The following PSMA8 variants were observed in gnomAD, a reference collection of about 807,000 sequenced individuals.
PSMA8 encodes proteasome subunit alpha-type 8.
PSMA8 carries 18 observed loss-of-function variants against 32.4 expected under a neutral mutation model. The ratio of observed to expected loss-of-function variants is 0.56; its 90% confidence interval spans 0.38 to 0.82. The LOEUF (loss-of-function observed/expected upper bound fraction) is 0.82. PSMA8 is among the 40% of genes least tolerant of loss of function. The pLI is 0.00. For missense variants in PSMA8, 298 were observed against 300.7 expected, an observed-to-expected ratio of 0.99 and a Z score of 0.07; for synonymous variants, 104 against 98.1, an observed-to-expected ratio of 1.06 and a Z score of -0.36.
chr18:26,137,558 T>A (rs1209215493), intron 1 of PSMA8, among the ~76,000 whole-genome samples: 1 of 152,252 alleles, frequency 6.6e-6, no homozygotes, highest in Non-Finnish European at 1.5e-5. Context: ...CAGAAAGTAC[T>A]TAACAAATTG....
At chr18:26,178,439 C>CA in intron 4 of PSMA8, among the ~76,000 whole-genome samples, 1 of 151,808 alleles carries the variant, frequency 6.6e-6, no homozygotes, top group South Asian at 2.1e-4. Flanking sequence ...GCAAGACTAC[C>CA]AAAAAAATAA....
intron 1 of PSMA8, chr18:26,140,023 C>A: frequency 1.4e-6 from 1 of 702,542 alleles, no homozygotes; most frequent in Non-Finnish European, 2.6e-6. Context: ...GATCTCCATA[C>A]TTTATTTTCT....
At chr18:26,160,726 G>C (rs916791210) in intron 4 of PSMA8, among the ~76,000 whole-genome samples, 5 of 152,340 alleles carry the variant, frequency 3.3e-5, no homozygotes, top group Middle Eastern at 3.4e-3. Context: ...AAGATAGAAT[G>C]GGTAGGAGAA....
intron 4 of PSMA8, chr18:26,171,348 G>A (rs2055219204): frequency 2.8e-6 from 4 of 1,414,400 alleles, no homozygotes; most frequent in East Asian, 2.6e-5. Context: ...CAAGTTTGGC[G>A]CGAAATTGTC....
intron 6 of PSMA8, among the ~76,000 whole-genome samples, chr18:26,181,094 A>G (rs902688319): frequency 6.6e-6 from 1 of 152,226 alleles, no homozygotes; most frequent in Non-Finnish European, 1.5e-5. Context: ...TGTGTTGAGC[A>G]AGTCTGTCAA....
chr18:26,175,142 C>T (rs2055253824), intron 4 of PSMA8, among the ~76,000 whole-genome samples: 1 of 152,116 alleles, frequency 6.6e-6, no homozygotes, highest in South Asian at 2.1e-4. Context: ...GTTTTTTGCT[C>T]ATTTCCACAT....
intron 4 of PSMA8, among the ~76,000 whole-genome samples, chr18:26,172,015 A>G (rs1354630764): frequency 1.3e-5 from 2 of 152,194 alleles, no homozygotes; most frequent in African/African-American, 4.8e-5. Flanking sequence ...CTTCACAGCT[A>G]AGGAACACCA....
chr18:26,152,111 A>C (rs189654212), intron 3 of PSMA8, 129 bp downstream of exon 3: 40 of 556,218 alleles, frequency 7.2e-5, no homozygotes, highest in African/African-American at 7.2e-4. Context: ...TATTTCTCAC[A>C]CTTACTTTAT....
At chr18:26,178,990 T>A (rs2055286812) in intron 5 of PSMA8, 41 bp downstream of exon 5, 4 of 1,605,778 alleles carry the variant, frequency 2.5e-6, no homozygotes, top group South Asian at 1.1e-5. Flanking sequence ...ATCATGAATT[T>A]TTTTTCCTCA....
chr18:26,186,471 C>T (rs1464666963), intron 6 of PSMA8, among the ~76,000 whole-genome samples: 1 of 151,768 alleles, frequency 6.6e-6, no homozygotes, highest in Non-Finnish European at 1.5e-5. Flanking sequence ...TAGTGTAAAC[C>T]TTTATTATTT....
intron 6 of PSMA8, among the ~76,000 whole-genome samples, chr18:26,187,624 G>C (rs2055366875): frequency 6.6e-6 from 1 of 151,982 alleles, no homozygotes; most frequent in African/African-American, 2.4e-5. Context: ...AAAAGAGCCA[G>C]AGTCACTATA....
intron 3 of PSMA8, among the ~76,000 whole-genome samples, chr18:26,152,261 A>G (rs1198775394): frequency 6.6e-6 from 1 of 152,196 alleles, no homozygotes; most frequent in Non-Finnish European, 1.5e-5. Context: ...CTGGAGATTA[A>G]TACAAAGAGT....
chr18:26,134,093 A>G lies in PSMA8; in HGVS notation c.102+26A>G, dbSNP rs73405458. On this transcript the variant is annotated intron_variant, in intron 1 of 6. Coordinates refer to ENST00000415576, the MANE Select transcript of PSMA8 (RefSeq NM_001025096.2). ...GTGAGGAAGCAACTATTACCGGACT[A>G]TTCCCCGCTCTGACCTGTCAGGCCA... 755 of 1,554,048 alleles carry G rather than the reference A, an allele frequency of 4.9e-4. 5 individuals carry two copies. In the African/African-American group the frequency reaches 9.1e-3, roughly 19 times the overall value.
chr18:26,171,776 CT>C (rs2144331583), intron 4 of PSMA8, among the ~76,000 whole-genome samples: 1 of 152,140 alleles, frequency 6.6e-6, no homozygotes, highest in South Asian at 2.1e-4. Context: ...ATTATTGGGT[CT>C]GGAATTTGAT....
chr18:26,141,034 C>G (rs1291673223), intron 1 of PSMA8, among the ~76,000 whole-genome samples: 1 of 152,052 alleles, frequency 6.6e-6, no homozygotes, highest in East Asian at 1.9e-4. Context: ...GTATGTATTT[C>G]TTTCACTCTA....
intron 2 of PSMA8, among the ~76,000 whole-genome samples, chr18:26,148,735 A>C (rs2055023167): frequency 6.6e-6 from 1 of 152,264 alleles, no homozygotes; most frequent in South Asian, 2.1e-4. Flanking sequence ...CTCTGTTCAC[A>C]GAAGACATGA....
At chr18:26,175,406 T>C (rs9304493) in intron 4 of PSMA8, among the ~76,000 whole-genome samples, 8,634 of 152,226 alleles carry the variant, frequency 0.057, 735 homozygotes, top group African/African-American at 0.19. Flanking sequence ...AAGGCTTCAG[T>C]TGACACCATG....
At chr18:26,171,544 G>A (rs1036562260) in intron 4 of PSMA8, among the ~76,000 whole-genome samples, 16 of 152,140 alleles carry the variant, frequency 1.1e-4, no homozygotes, top group African/African-American at 2.4e-5. Context: ...GACCAGCCTG[G>A]CCAACATGGC....
At chr18:26,185,763 T>A (rs1230997537) in intron 6 of PSMA8, among the ~76,000 whole-genome samples, 1 of 151,042 alleles carries the variant, frequency 6.6e-6, no homozygotes, top group African/African-American at 2.4e-5. Flanking sequence ...AAACCAGTTT[T>A]GCCAAATTTC....
Sources: allele counts gnomAD v4.1 joint callset (sites outside exome capture counted in the v4.1 genomes callset), GRCh38; gene constraint gnomAD v4.1.1; transcripts MANE v1.5; gene names NCBI Gene and HGNC (gene_info 2026-07-23, HGNC 2026-07-21).